Variants in HACE1 observed in about 807,000 individuals in gnomAD.
HACE1 encodes the protein HECT domain and ankyrin repeat containing E3 ubiquitin protein ligase 1, also known as E3 ubiquitin-protein ligase HACE1.
In HACE1, 73 loss-of-function variants were observed where a neutral mutation model predicts 118.4. The ratio of observed to expected loss-of-function variants is 0.62; its 90% CI spans 0.51 to 0.75. The LOEUF is 0.75. Ranked by LOEUF, HACE1 falls within the 30% of genes least tolerant of loss-of-function variation. The probability of loss-of-function intolerance (pLI) is 0.00; values close to 1 mark genes in which losing one functional copy is unlikely to be tolerated. For synonymous variants in HACE1, 368 were observed against 374.8 expected (o/e 0.98, Z 0.21); for missense variants, 749 against 1,102.2 (o/e 0.68, Z 4.54).
At chr6:104,852,195 C>CCG in intron 2 of HACE1, 122 bp downstream of exon 2, 1 of 552,982 alleles carries the variant, frequency 1.8e-6, no homozygotes, top group South Asian at 2.0e-5. Flanking sequence ...TATGTCCAAA[C>CCG]TGTCTGTGTG....
At chr6:104,843,334 TA>T in intron 4 of HACE1, 36 bp from the exon 5 acceptor site, 1 of 911,244 alleles carries the variant, frequency 1.1e-6, no homozygotes, top group Non-Finnish European at 1.9e-6. Context: ...AACTGGTACT[TA>T]AAAAATATAT....
chr6:104,856,378 T>G (rs992816323), intron 1 of HACE1, among the ~76,000 whole-genome samples: 3 of 152,166 alleles, frequency 2.0e-5, no homozygotes, highest in African/African-American at 7.2e-5. Context: ...ACAAACTGCA[T>G]TCACTATATA....
chr6:104,832,042 GAAAA>G (rs1774043346), intron 6 of HACE1, among the ~76,000 whole-genome samples: 1 of 149,986 alleles, frequency 6.7e-6, no homozygotes, highest in African/African-American at 2.5e-5. Flanking sequence ...AGAAAGAAAA[GAAAA>G]AGAAAGAAAA....
rs762524185 is a variant in HACE1 at position 104,815,779 on chromosome 6, AG to A, written c.535-4387del. Among the ~76,000 whole-genome samples the A allele has an allele frequency of 1.8e-4, 25 of 138,586 alleles. 5 individuals carry two copies. Among genetic ancestry groups the A allele is most frequent in the Non-Finnish European group, 3.7e-4 (24 of 64,322 alleles). The allele number at this position is 138,586 out of a possible 152,430, so 90.9% of individuals were successfully genotyped here. ...GGTTTGAAATTGGAATATGTTTAAA[AG>A]GGAAACAGAGGGCCAGGCACAGTGG... On this transcript the variant is annotated intron_variant, in intron 6 of 23. Transcript: ENST00000262903.
intron 9 of HACE1, among the ~76,000 whole-genome samples, chr6:104,796,448 G>A (rs1378980750): frequency 6.6e-6 from 1 of 151,960 alleles, no homozygotes; most frequent in Non-Finnish European, 1.5e-5. Flanking sequence ...AGACCCAGAG[G>A]GCAGAAGATT....
intron 1 of HACE1, among the ~76,000 whole-genome samples, chr6:104,855,434 C>A (rs1221299222): frequency 2.0e-5 from 3 of 151,664 alleles, no homozygotes; most frequent in Non-Finnish European, 4.4e-5. Context: ...CAGAGCGAGA[C>A]TCCATCTCGG....
rs538301660 is a variant in HACE1, at chr6:104,826,581, A to G, written c.534+6461T>C. ...TGATGGTCATACCTTCTATTTTTAA[A>G]ATTATATGGCTTCTCATTTACTTGC... On this transcript the variant is annotated intron_variant, in intron 6 of 23. Coordinates refer to ENST00000262903, the MANE Select transcript of HACE1 (RefSeq NM_020771.4). Among the ~76,000 whole-genome samples the G allele has an allele frequency of 4.6e-5, 7 of 152,334 alleles. No homozygotes were observed. The South Asian group carries it at 1.4e-3, about 32-fold the overall frequency.
At chr6:104,742,606 A>T (rs1449243170) in intron 22 of HACE1, among the ~76,000 whole-genome samples, 4 of 151,676 alleles carry the variant, frequency 2.6e-5, no homozygotes, top group South Asian at 2.1e-4. Flanking sequence ...TCAAAACCAC[A>T]ATGAGATACC....
intron 19 of HACE1, among the ~76,000 whole-genome samples, chr6:104,759,203 T>C (rs1779052652): frequency 1.3e-5 from 2 of 152,190 alleles, no homozygotes; most frequent in South Asian, 2.1e-4. Context: ...GCAGACCTAA[T>C]AGACATCTAC....
At chr6:104,729,995 T>C (rs1775029950) in intron 23 of HACE1, among the ~76,000 whole-genome samples, 1 of 152,134 alleles carries the variant, frequency 6.6e-6, no homozygotes, top group Non-Finnish European at 1.5e-5. Flanking sequence ...CAGCTTAAAA[T>C]AAATAAGCAA....
At chr6:104,831,111 G>A (rs1050561152) in intron 6 of HACE1, 20 of 151,994 alleles carry the variant, frequency 1.3e-4, no homozygotes, top group African/African-American at 4.6e-4. Flanking sequence ...ACATAAACAA[G>A]GTAGAAAATT....
intron 17 of HACE1, among the ~76,000 whole-genome samples, chr6:104,773,647 A>G (rs73768809): frequency 0.027 from 4,179 of 152,310 alleles, 190 homozygotes; most frequent in African/African-American, 0.097. Context: ...GAATGATTAC[A>G]GCTATGGACC....
At chr6:104,807,520 T>C (rs549377452) in intron 7 of HACE1, among the ~76,000 whole-genome samples, 109 of 152,256 alleles carry the variant, frequency 7.2e-4, no homozygotes, top group Non-Finnish European at 1.5e-3. Flanking sequence ...CCTAATAGAA[T>C]AAAAGTTATC....
chr6:104,796,573 C>T, intron 9 of HACE1, 82 bp downstream of exon 9: 1 of 769,128 alleles, frequency 1.3e-6, no homozygotes, highest in Non-Finnish European at 2.3e-6. Flanking sequence ...AATTACTAAG[C>T]TAAGCACATT....
intron 1 of HACE1, 130 bp from the exon 2 acceptor site, chr6:104,852,501 T>C (rs1776345586): frequency 6.2e-6 from 4 of 649,398 alleles, no homozygotes; most frequent in Admixed American, 4.7e-5. Flanking sequence ...GAAAGAATAA[T>C]GCAGAATACC....
At chr6:104,780,571 G>A in intron 14 of HACE1, 1 of 200,678 alleles carries the variant, frequency 5.0e-6, no homozygotes, top group South Asian at 8.0e-5. Context: ...GTACAGTAGA[G>A]TACAAAGTAT....
At chr6:104,766,485 T>C (rs1464840976) in intron 19 of HACE1, among the ~76,000 whole-genome samples, 1 of 152,200 alleles carries the variant, frequency 6.6e-6, no homozygotes, top group Non-Finnish European at 1.5e-5. Flanking sequence ...ATATAAAGAA[T>C]CCACTTTAAG....
At chr6:104,834,122 G>A (rs983285889) in intron 5 of HACE1, among the ~76,000 whole-genome samples, 3 of 151,796 alleles carry the variant, frequency 2.0e-5, no homozygotes, top group African/African-American at 7.3e-5. Context: ...CCTCCTACCT[G>A]TGTGACAGAA....
chr6:104,803,922 C>T (rs538432889), intron 7 of HACE1, among the ~76,000 whole-genome samples: 394 of 152,198 alleles, frequency 2.6e-3, no homozygotes, highest in African/African-American at 9.0e-3. Flanking sequence ...GGAAGTCAAA[C>T]TGTCCCTGTT....
Sources: gnomAD v4.1 joint callset for allele counts (sites outside exome capture counted in the v4.1 genomes callset) on GRCh38, gnomAD v4.1.1 for gene constraint, MANE v1.5 for transcripts, NCBI Gene and HGNC (gene_info 2026-07-23, HGNC 2026-07-21) for gene names.